PCDH11X: variants seen among roughly 807,000 people sequenced by gnomAD.
PCDH11X encodes the protein protocadherin 11 X-linked.
Under a neutral mutation model 53.3 loss-of-function variants are expected in PCDH11X, and 18 were observed. The observed-to-expected ratio is 0.34, with a 90% confidence interval of 0.23 to 0.50. The LOEUF is 0.50. Among genes scored for constraint, PCDH11X ranks in the 20% least tolerant of loss-of-function variants. PCDH11X has a pLI of 0.98. For synonymous variants in PCDH11X, 279 were observed against 393.3 expected, an observed-to-expected ratio of 0.71 and a Z score of 3.44; for missense variants, 570 against 1,032.4, an observed-to-expected ratio of 0.55 and a Z score of 6.14.
At chrX:92,397,899 T>C (rs1018698802) in intron 9 of PCDH11X, among the ~76,000 whole-genome samples, 1 of 111,846 alleles carries the variant, frequency 8.9e-6, no homozygotes, top group African/African-American at 3.2e-5. Context: ...CCCCAGTTGA[T>C]TATGAATTGT....
intron 6 of PCDH11X, among the ~76,000 whole-genome samples, chrX:91,880,878 T>C (rs1939862018): frequency 9.2e-6 from 1 of 109,073 alleles, no homozygotes; most frequent in Non-Finnish European, 1.9e-5. Context: ...TTATTGCTAT[T>C]CTGCTTATTG....
chrX:91,951,732 T>G (rs1338912481), intron 6 of PCDH11X, among the ~76,000 whole-genome samples: 2 of 109,241 alleles, frequency 1.8e-5, no homozygotes, highest in African/African-American at 3.3e-5. Context: ...ATTTTTCTCC[T>G]ATTGAATTAA....
chrX:92,537,253 GTAT>G (rs746153891), intron 10 of PCDH11X, among the ~76,000 whole-genome samples: 22 of 106,088 alleles, frequency 2.1e-4, no homozygotes, highest in African/African-American at 7.6e-4. Context: ...TACTTCTGGA[GTAT>G]TACTTAAGAA....
Position 92,144,964 on chromosome X carries a change from T to C in PCDH11X, c.3034-56411T>C, listed in dbSNP as rs191583776. Among the ~76,000 whole-genome samples, 421 of 111,437 alleles carry C rather than the reference T, an allele frequency of 3.8e-3. 2 individuals are homozygous for C. Among genetic ancestry groups the C allele is most frequent in the African/African-American group, 0.013 (409 of 30,706 alleles). On this transcript the variant is annotated intron_variant, in intron 6 of 10. Transcript: ENST00000682573. The stretch of plus-strand genomic sequence containing the variant: ...ATAAATGTCCTGGGGGAGCTGCCAG[T>C]GTGACCATCCTCCTCAACAGTTATT...
At chrX:92,589,631 T>C (rs1350986678) in intron 10 of PCDH11X, among the ~76,000 whole-genome samples, 1 of 111,529 alleles carries the variant, frequency 9.0e-6, no homozygotes, top group African/African-American at 3.3e-5. Context: ...AATCATATCA[T>C]CAGGGAAAAT....
At chrX:92,147,863 C>CTTTCTTCTTT (rs1457716676) in intron 6 of PCDH11X, among the ~76,000 whole-genome samples, 30 of 60,923 alleles carry the variant, frequency 4.9e-4, no homozygotes, top group African/African-American at 1.8e-3. Context: ...TTTTTCTTTT[C>CTTTCTTCTTT]TCTCTTTCCT....
intron 8 of PCDH11X, among the ~76,000 whole-genome samples, chrX:92,364,970 T>G (rs1445100365): frequency 1.1e-5 from 1 of 89,429 alleles, no homozygotes; most frequent in South Asian, 4.9e-4. Flanking sequence ...CTTTGGGCTT[T>G]TTCTATTTTT....
intron 8 of PCDH11X, among the ~76,000 whole-genome samples, chrX:92,363,031 A>G (rs1334812779): frequency 1.8e-5 from 2 of 110,835 alleles, no homozygotes; most frequent in African/African-American, 6.5e-5. Flanking sequence ...TTATTCTAGT[A>G]CCATACCATT....
intron 6 of PCDH11X, among the ~76,000 whole-genome samples, chrX:91,965,597 C>A (rs1183449135): frequency 1.9e-5 from 2 of 107,424 alleles, no homozygotes; most frequent in East Asian, 2.9e-4. Flanking sequence ...ACAATGAAGT[C>A]ATTTTTACAA....
chrX:91,810,875 G>A (rs1936271584), intron 3 of PCDH11X, among the ~76,000 whole-genome samples: 4 of 111,680 alleles, frequency 3.6e-5, no homozygotes, highest in Non-Finnish European at 1.9e-5. Flanking sequence ...ATAAGCCTAT[G>A]CAGATTATCA....
intron 6 of PCDH11X, among the ~76,000 whole-genome samples, chrX:92,084,091 A>AAAC (rs200977655): frequency 0.091 from 9,860 of 108,053 alleles, 1,087 homozygotes; most frequent in African/African-American, 0.3. Flanking sequence ...ACTCTGTCAA[A>AAAC]AACAACAACA....
chrX:92,539,640 T>C (rs1406293525), intron 10 of PCDH11X, among the ~76,000 whole-genome samples: 1 of 111,797 alleles, frequency 8.9e-6, no homozygotes, highest in East Asian at 2.8e-4. Flanking sequence ...TTTTCCTTGA[T>C]TATCCTGATT....
At chrX:91,789,200 C>CAAAAAAAAAAAAAAAAAAA (rs764959497) in intron 1 of PCDH11X, among the ~76,000 whole-genome samples, 1 of 47,223 alleles carries the variant, frequency 2.1e-5, no homozygotes, top group African/African-American at 6.9e-5. Context: ...GACTCCGTCT[C>CAAAAAAAAAAAAAAAAAAA]AAAAAAAAAA....
At chrX:92,562,652 C>T (rs1020516570) in intron 10 of PCDH11X, among the ~76,000 whole-genome samples, 1 of 110,036 alleles carries the variant, frequency 9.1e-6, no homozygotes, top group Non-Finnish European at 1.9e-5. Context: ...TAGAAGCAGC[C>T]AGGCCAAATC....
intron 8 of PCDH11X, among the ~76,000 whole-genome samples, chrX:92,319,664 T>A (rs1416501244): frequency 1.8e-5 from 2 of 110,622 alleles, no homozygotes; most frequent in African/African-American, 6.6e-5. Flanking sequence ...CAGCCTGCCT[T>A]CATTATCTTC....
intron 9 of PCDH11X, among the ~76,000 whole-genome samples, chrX:92,395,960 A>T (rs1370344881): frequency 2.7e-5 from 3 of 109,909 alleles, no homozygotes; most frequent in Non-Finnish European, 5.7e-5. Flanking sequence ...TTTTTAAAAA[A>T]GGTTCCCATT....
intron 10 of PCDH11X, among the ~76,000 whole-genome samples, chrX:92,541,587 G>A (rs756730863): frequency 6.3e-5 from 7 of 110,725 alleles, no homozygotes; most frequent in South Asian, 7.9e-4. Context: ...GTGTTCCAGC[G>A]CAGGGGACAA....
chrX:92,255,700 G>A (rs1483650469), intron 7 of PCDH11X, among the ~76,000 whole-genome samples: 2 of 111,913 alleles, frequency 1.8e-5, no homozygotes, highest in Non-Finnish European at 3.8e-5. Flanking sequence ...ATACCCTGCA[G>A]TGTGAGGTGT....
intron 7 of PCDH11X, among the ~76,000 whole-genome samples, chrX:92,255,746 G>A (rs1037144038): frequency 1.8e-5 from 2 of 112,379 alleles, no homozygotes; most frequent in African/African-American, 6.5e-5. Flanking sequence ...TCCCAGTTAG[G>A]CTGGTCAGGG....
Sources: allele counts gnomAD v4.1 joint callset (sites outside exome capture counted in the v4.1 genomes callset), GRCh38; gene constraint gnomAD v4.1.1; transcripts MANE v1.5; gene names NCBI Gene and HGNC (gene_info 2026-07-23, HGNC 2026-07-21).